IL1RAPL2: variants seen among roughly 807,000 people sequenced by gnomAD.
The protein encoded by IL1RAPL2 is X-linked interleukin-1 receptor accessory protein-like 2.
In IL1RAPL2, 3 loss-of-function variants were observed where a neutral mutation model predicts 44.1. That is an observed-to-expected ratio of 0.07 (90% CI 0.03 to 0.18). The LOEUF (loss-of-function observed/expected upper bound fraction) is 0.18. IL1RAPL2 is among the 10% of genes least tolerant of loss of function. IL1RAPL2 has a pLI of 1.00. For synonymous variants in IL1RAPL2, 181 were observed against 178.8 expected (o/e 1.01, Z -0.10); for missense variants, 391 against 496.4 (o/e 0.79, Z 2.02).
chrX:105,338,002 A>G (rs897767196), intron 5 of IL1RAPL2, among the ~76,000 whole-genome samples: 43 of 112,369 alleles, frequency 3.8e-4, no homozygotes, highest in Non-Finnish European at 1.9e-4. Context: ...AGAACTTTCA[A>G]CAAACTCATT....
chrX:105,405,148 T>C lies in IL1RAPL2; in HGVS notation c.698-79165T>C, dbSNP rs183124002. On this transcript the variant is annotated intron_variant, in intron 5 of 10. Transcript: ENST00000372582. Reference sequence around the variant, plus strand: ...CATGTTTAGTTTGATTTTTGGAGTTTCAAAGCTTATGAAAATCATTTTGGT... The same window carrying C: ...CATGTTTAGTTTGATTTTTGGAGTTCCAAAGCTTATGAAAATCATTTTGGT... 7.2e-5 allele frequency among the ~76,000 whole-genome samples: 8 copies of C among 111,768 alleles called. No individual in the cohort carries two copies. The East Asian group carries it at 2.3e-3, about 32-fold the overall frequency.
chrX:104,859,061 T>C (rs887158314), intron 2 of IL1RAPL2, among the ~76,000 whole-genome samples: 5 of 111,905 alleles, frequency 4.5e-5, no homozygotes, highest in African/African-American at 1.6e-4. Flanking sequence ...TGAGGTTTTG[T>C]TCAAATAGCT....
chrX:104,685,327 T>G (rs1930966439), intron 2 of IL1RAPL2, among the ~76,000 whole-genome samples: 1 of 112,192 alleles, frequency 8.9e-6, no homozygotes, highest in African/African-American at 3.2e-5. Context: ...ATTTGTTCTC[T>G]TCTTGCTGTA....
chrX:105,609,038 C>T (rs757721442), intron 6 of IL1RAPL2, among the ~76,000 whole-genome samples: 1 of 111,362 alleles, frequency 9.0e-6, no homozygotes, highest in Non-Finnish European at 1.9e-5. Context: ...ATTTCACACC[C>T]CTTGTGCCAT....
rs139234027 is a variant in IL1RAPL2 at position 104,803,702 on chromosome X, C to T, written c.82+144707C>T. ...ACTTTATGATGCTGCTAGAGCATGA[C>T]ACCATAGTTTATCCATTCTTCCTGA... On this transcript the variant is annotated intron_variant, in intron 2 of 10. Coordinates refer to ENST00000372582, the MANE Select transcript of IL1RAPL2 (RefSeq NM_017416.2). 2.1e-4 allele frequency among the ~76,000 whole-genome samples: 24 copies of T among 112,637 alleles called. No homozygotes were observed. In the South Asian group the frequency reaches 5.1e-3, roughly 24 times the overall value.
intron 6 of IL1RAPL2, among the ~76,000 whole-genome samples, chrX:105,558,137 C>T (rs980221242): frequency 9.0e-6 from 1 of 111,326 alleles, no homozygotes; most frequent in Non-Finnish European, 1.9e-5. Flanking sequence ...TGGGGTCAAA[C>T]TGGCTAGATT....
rs1036854040 is a variant in IL1RAPL2, at chrX:104,822,096, TTTG to T, written c.82+163118_82+163120del. Among the ~76,000 whole-genome samples the T allele has an allele frequency of 2.7e-5, 3 of 111,607 alleles. 1 individual carries two copies. The highest frequency in any genetic ancestry group is 9.5e-5 in the Admixed American group (1 of 10,475). On this transcript the variant is annotated intron_variant, in intron 2 of 10. Coordinates refer to ENST00000372582, the MANE Select transcript of IL1RAPL2 (RefSeq NM_017416.2). ...TGCCCAGTTTCTGATGGGGTGTTTT[TTTG>T]TTGTTGTTGTTGTTGTAAATTTAAG... is the stretch of plus-strand genomic sequence containing the variant.
intron 6 of IL1RAPL2, among the ~76,000 whole-genome samples, chrX:105,585,585 A>G (rs2037121596): frequency 9.0e-6 from 1 of 110,869 alleles, no homozygotes; most frequent in Non-Finnish European, 1.9e-5. Context: ...CTCATTGTTC[A>G]ACTCCCACTT....
chrX:104,800,608 G>A, intron 2 of IL1RAPL2, among the ~76,000 whole-genome samples: 1 of 112,560 alleles, frequency 8.9e-6, no homozygotes, highest in Non-Finnish European at 1.9e-5. Context: ...TATGACTAAT[G>A]ATATGATAAC....
At chrX:104,887,389 A>T (rs1171027426) in intron 2 of IL1RAPL2, among the ~76,000 whole-genome samples, 1 of 112,446 alleles carries the variant, frequency 8.9e-6, no homozygotes, top group Non-Finnish European at 1.9e-5. Context: ...CTCGTGGGAC[A>T]ACCCCACAAC....
chrX:105,338,020 T>C (rs762255998), intron 5 of IL1RAPL2, among the ~76,000 whole-genome samples: 3 of 112,316 alleles, frequency 2.7e-5, no homozygotes, highest in Non-Finnish European at 5.6e-5. Flanking sequence ...ATTTGATAAA[T>C]TTATGAATGG....
chrX:105,143,547 A>G (rs925180077), intron 2 of IL1RAPL2, among the ~76,000 whole-genome samples: 19 of 112,020 alleles, frequency 1.7e-4, no homozygotes, highest in African/African-American at 5.8e-4. Flanking sequence ...CGATTCCTCA[A>G]GGATCTAGAA....
intron 2 of IL1RAPL2, among the ~76,000 whole-genome samples, chrX:104,765,530 T>C (rs1395186435): frequency 8.9e-6 from 1 of 111,967 alleles, no homozygotes; most frequent in East Asian, 2.8e-4. Flanking sequence ...CTACTCTCCT[T>C]TATAGAGCCA....
At chrX:105,598,305 G>A (rs962727000) in intron 6 of IL1RAPL2, among the ~76,000 whole-genome samples, 15 of 110,506 alleles carry the variant, frequency 1.4e-4, no homozygotes, top group African/African-American at 4.6e-4. Flanking sequence ...TCACTAGATG[G>A]AAGTGGGGAA....
intron 2 of IL1RAPL2, among the ~76,000 whole-genome samples, chrX:104,778,241 G>T (rs5917143): frequency 9.2e-6 from 1 of 108,793 alleles, no homozygotes; most frequent in East Asian, 2.9e-4. Context: ...CATTCTAGGT[G>T]TTAGCCCCTC....
rs754897377 is a variant in IL1RAPL2, at chrX:104,859,845, T to C, written c.82+200850T>C. On this transcript the variant is annotated intron_variant, in intron 2 of 10. Coordinates refer to ENST00000372582, the MANE Select transcript of IL1RAPL2 (RefSeq NM_017416.2). ...TAAAACTACTTGGAGGTAATATTGC[T>C]TTGCGTTGCAGTTTCAGTGAAGTGG... is the stretch of plus-strand genomic sequence containing the variant. 4.5e-5 allele frequency among the ~76,000 whole-genome samples: 5 copies of C among 112,011 alleles called. No homozygotes were observed. In the East Asian group the frequency reaches 1.4e-3, roughly 31 times the overall value.
chrX:105,193,661 A>C (rs150551605), intron 2 of IL1RAPL2, among the ~76,000 whole-genome samples: 1,434 of 111,528 alleles, frequency 0.013, 27 homozygotes, highest in African/African-American at 0.045. Context: ...TAAATGATCC[A>C]ATAGCAAGGA....
chrX:104,676,275 G>A (rs1291616647), intron 2 of IL1RAPL2, among the ~76,000 whole-genome samples: 1 of 111,533 alleles, frequency 9.0e-6, no homozygotes, highest in East Asian at 2.8e-4. Context: ...TCCTTCAGGA[G>A]CTCTTTTAGG....
intron 5 of IL1RAPL2, among the ~76,000 whole-genome samples, chrX:105,337,630 G>A (rs1259952399): frequency 1.8e-5 from 2 of 111,822 alleles, no homozygotes; most frequent in African/African-American, 3.3e-5. Context: ...AGTGGCTCAC[G>A]CCTGTAATCC....
Sources: gnomAD v4.1 joint callset for allele counts (sites outside exome capture counted in the v4.1 genomes callset) on GRCh38, gnomAD v4.1.1 for gene constraint, MANE v1.5 for transcripts, NCBI Gene and HGNC (gene_info 2026-07-23, HGNC 2026-07-21) for gene names.